KAZN: variants seen among roughly 807,000 people sequenced by gnomAD.
KAZN encodes the protein kazrin, periplakin interacting protein.
KAZN carries 40 observed loss-of-function variants against 87.4 expected under a neutral mutation model. That is an observed-to-expected ratio of 0.46 (90% CI 0.36 to 0.60). The LOEUF is 0.60. Among genes scored for constraint, KAZN ranks in the 20% least tolerant of loss-of-function variants. The probability of loss-of-function intolerance (pLI) is 0.00; values close to 1 mark genes in which losing one functional copy is unlikely to be tolerated. For synonymous variants in KAZN, 466 were observed against 458.3 expected, an observed-to-expected ratio of 1.02 and a Z score of -0.22; for missense variants, 898 against 1,073.9, an observed-to-expected ratio of 0.84 and a Z score of 2.29.
chr1:14,065,153 T>C (rs1642958316), intron 1 of KAZN, among the ~76,000 whole-genome samples: 1 of 152,196 alleles, frequency 6.6e-6, no homozygotes, highest in African/African-American at 2.4e-5. Context: ...TTGGGTAGAA[T>C]TTCATCCAAT....
intron 1 of KAZN, among the ~76,000 whole-genome samples, chr1:14,651,712 A>C (rs1452590441): frequency 2.0e-5 from 3 of 152,238 alleles, no homozygotes; most frequent in Non-Finnish European, 4.4e-5. Flanking sequence ...CACGAGAATA[A>C]CTGCAGGGTC....
chr1:13,906,529 A>G (rs916264944), intron 1 of KAZN, among the ~76,000 whole-genome samples: 3 of 152,232 alleles, frequency 2.0e-5, no homozygotes, highest in Non-Finnish European at 4.4e-5. Flanking sequence ...GGACCGGCCC[A>G]GGTTTCCAGT....
At chr1:14,306,201 G>A (rs1276913805) in intron 2 of KAZN, among the ~76,000 whole-genome samples, 1 of 152,092 alleles carries the variant, frequency 6.6e-6, no homozygotes, top group Non-Finnish European at 1.5e-5. Context: ...GCACAGCTTG[G>A]GCAAAAGTGC....
At chr1:14,568,262 A>G (rs150806321) in intron 2 of KAZN, among the ~76,000 whole-genome samples, 15 of 152,334 alleles carry the variant, frequency 9.8e-5, no homozygotes, top group African/African-American at 2.9e-4. Flanking sequence ...AGTGACCTTT[A>G]GGGGCTGAGG....
At chr1:14,199,996 G>T (rs946842418) in intron 2 of KAZN, among the ~76,000 whole-genome samples, 3 of 151,910 alleles carry the variant, frequency 2.0e-5, no homozygotes, top group East Asian at 3.9e-4. Flanking sequence ...GTTATCAAAC[G>T]ACTGCTTCAT....
intron 2 of KAZN, among the ~76,000 whole-genome samples, chr1:14,229,750 T>G (rs1647632670): frequency 6.6e-6 from 1 of 152,252 alleles, no homozygotes; most frequent in Non-Finnish European, 1.5e-5. Flanking sequence ...TTTCTTAGAT[T>G]TCTTGCCATG....
At chr1:14,678,302 C>A (rs547302410) in intron 1 of KAZN, among the ~76,000 whole-genome samples, 1 of 152,282 alleles carries the variant, frequency 6.6e-6, no homozygotes, top group African/African-American at 2.4e-5. Flanking sequence ...TCATCTTTCT[C>A]CCGTACTGGA....
At chr1:13,905,280 C>A (rs567420615) in intron 1 of KAZN, among the ~76,000 whole-genome samples, 1 of 152,284 alleles carries the variant, frequency 6.6e-6, no homozygotes, top group African/African-American at 2.4e-5. Flanking sequence ...TAGCTTATTA[C>A]CTCATGCACT....
intron 2 of KAZN, among the ~76,000 whole-genome samples, chr1:14,191,980 A>G (rs1306342606): frequency 6.6e-6 from 1 of 151,968 alleles, no homozygotes; most frequent in Non-Finnish European, 1.5e-5. Context: ...CCAGCATCTT[A>G]CTCCTAGGTG....
At chr1:14,747,806 C>T (rs1276605496) in intron 1 of KAZN, among the ~76,000 whole-genome samples, 2 of 152,178 alleles carry the variant, frequency 1.3e-5, no homozygotes. Flanking sequence ...AGCGGCTGCA[C>T]CATTGCACAT....
rs549430865 is a variant in KAZN, at chr1:14,323,680, T to C, written c.249+143088T>C. ...GCATCTTGAACCAATCAAGTGTTAGTGGGAGAATCACATTCTTATTTTCTT... is the reference window on the plus strand; with the variant it reads ...GCATCTTGAACCAATCAAGTGTTAGCGGGAGAATCACATTCTTATTTTCTT... On this transcript the variant is annotated intron_variant, in intron 2 of 16. Coordinates refer to the KAZN transcript ENST00000636203. Among the ~76,000 whole-genome samples the C allele has an allele frequency of 3.3e-5, 5 of 152,310 alleles. No individual in the cohort carries two copies. The South Asian group carries it at 8.3e-4, about 25-fold the overall frequency.
intron 1 of KAZN, among the ~76,000 whole-genome samples, chr1:14,875,098 G>A (rs1652605135): frequency 6.6e-6 from 1 of 151,998 alleles, no homozygotes; most frequent in Non-Finnish European, 1.5e-5. Flanking sequence ...TTGGGAGGCT[G>A]AGGCAAGCAG....
At chr1:14,710,269 C>G (rs1429987408) in intron 1 of KAZN, among the ~76,000 whole-genome samples, 1 of 152,194 alleles carries the variant, frequency 6.6e-6, no homozygotes, top group Non-Finnish European at 1.5e-5. Context: ...CAGCCACCAT[C>G]AACCCTCTCC....
intron 1 of KAZN, among the ~76,000 whole-genome samples, chr1:14,685,586 A>G (rs1049485225): frequency 1.3e-4 from 20 of 152,370 alleles, no homozygotes; most frequent in Admixed American, 1.2e-3. Context: ...CTGCTCTTGC[A>G]GTCAAATCGT....
intron 2 of KAZN, among the ~76,000 whole-genome samples, chr1:14,424,112 C>T (rs1486033007): frequency 1.3e-5 from 2 of 152,186 alleles, no homozygotes; most frequent in South Asian, 2.1e-4. Context: ...AGAGTCCCAA[C>T]TCACATAGTA....
chr1:13,989,523 G>T (rs538636917), intron 1 of KAZN, among the ~76,000 whole-genome samples: 1 of 152,314 alleles, frequency 6.6e-6, no homozygotes, highest in African/African-American at 2.4e-5. Context: ...ATAGGCCAAT[G>T]CAGAAGTTAA....
intron 2 of KAZN, among the ~76,000 whole-genome samples, chr1:14,533,002 G>A (rs1426426925): frequency 3.3e-5 from 5 of 151,908 alleles, no homozygotes; most frequent in African/African-American, 9.7e-5. Flanking sequence ...GGGATGGCTG[G>A]GTCAGATGGT....
At chr1:14,042,390 C>G (rs186456441) in intron 1 of KAZN, among the ~76,000 whole-genome samples, 1 of 152,188 alleles carries the variant, frequency 6.6e-6, no homozygotes, top group African/African-American at 2.4e-5. Context: ...TCATCCAGAC[C>G]TGTAGAACAT....
At chr1:14,016,577 G>A (rs1428253401) in intron 1 of KAZN, among the ~76,000 whole-genome samples, 1 of 152,138 alleles carries the variant, frequency 6.6e-6, no homozygotes, top group East Asian at 1.9e-4. Context: ...TGGGCTCCCA[G>A]TGAAATTTCA....
Sources: gnomAD v4.1 joint callset for allele counts (sites outside exome capture counted in the v4.1 genomes callset) on GRCh38, gnomAD v4.1.1 for gene constraint, MANE v1.5 for transcripts, NCBI Gene and HGNC (gene_info 2026-07-23, HGNC 2026-07-21) for gene names.